The following PDGFRL variants were observed in gnomAD, a reference collection of about 807,000 sequenced individuals.
PDGFRL encodes the protein platelet derived growth factor receptor like.
PDGFRL carries 46 observed loss-of-function variants against 37.2 expected under a neutral mutation model. The ratio of observed to expected loss-of-function variants is 1.24; its 90% CI spans 0.98 to 1.58. The LOEUF (loss-of-function observed/expected upper bound fraction) is 1.58. Among genes scored for constraint, PDGFRL ranks in the 40% most tolerant of loss-of-function variants. PDGFRL has a pLI of 0.00. For synonymous variants in PDGFRL, 251 were observed against 184.3 expected, an observed-to-expected ratio of 1.36 and a Z score of -2.93; for missense variants, 692 against 467.6, an observed-to-expected ratio of 1.48 and a Z score of -4.43.
chr8:17,595,150 C>T (rs191794899), intron 2 of PDGFRL, among the ~76,000 whole-genome samples: 10 of 152,274 alleles, frequency 6.6e-5, no homozygotes, highest in Admixed American at 2.0e-4. Flanking sequence ...GACAGCCCCA[C>T]ATGCCCAGAG....
At chr8:17,590,220 G>A (rs1372612307) in intron 2 of PDGFRL, among the ~76,000 whole-genome samples, 1 of 33,740 alleles carries the variant, frequency 3.0e-5, no homozygotes, top group African/African-American at 6.1e-5. Context: ...GGGTGACAGA[G>A]AGCGAGACTC....
At chr8:17,596,539 T>C (rs1327194419) in intron 2 of PDGFRL, among the ~76,000 whole-genome samples, 1 of 152,260 alleles carries the variant, frequency 6.6e-6, no homozygotes, top group Non-Finnish European at 1.5e-5. Flanking sequence ...CTTGAAGTTT[T>C]AGTATTTTCT....
chr8:17,629,967 G>A (rs180959617), intron 4 of PDGFRL, among the ~76,000 whole-genome samples: 17 of 151,996 alleles, frequency 1.1e-4, no homozygotes, highest in Admixed American at 6.6e-4. Flanking sequence ...ACCCACACCC[G>A]GCACGCCCTC....
chr8:17,589,810 T>C, intron 2 of PDGFRL, 45 bp downstream of exon 2: 1 of 1,157,820 alleles, frequency 8.6e-7, no homozygotes, highest in Non-Finnish European at 1.2e-6. Flanking sequence ...GGATTTGTAA[T>C]AGTTAACAAA....
intron 2 of PDGFRL, among the ~76,000 whole-genome samples, chr8:17,607,195 C>A (rs1430304006): frequency 6.6e-6 from 1 of 152,092 alleles, no homozygotes; most frequent in East Asian, 1.9e-4. Flanking sequence ...GTGTCTCAAT[C>A]CCCTACAAAC....
Position 17,630,512 on chromosome 8 carries a change from G to A in PDGFRL, c.799+1732G>A, listed in dbSNP as rs569347211. On this transcript the variant is annotated intron_variant, in intron 4 of 5. Coordinates refer to ENST00000251630, the MANE Select transcript of PDGFRL (RefSeq NM_001372073.1). ...CAGCCTCATTCTGGTTTCTAAGACTGTTTGTTTAAAATCTTCAGTCCCAAC... is the reference window on the plus strand; with the variant it reads ...CAGCCTCATTCTGGTTTCTAAGACTATTTGTTTAAAATCTTCAGTCCCAAC... Among the ~76,000 whole-genome samples, 3 of 152,170 alleles carry A rather than the reference G, an allele frequency of 2.0e-5. No individual in the cohort carries two copies. In the South Asian group the frequency reaches 6.2e-4, roughly 32 times the overall value.
intron 3 of PDGFRL, among the ~76,000 whole-genome samples, chr8:17,624,049 A>G (rs1490838922): frequency 3.3e-5 from 5 of 152,158 alleles, no homozygotes; most frequent in African/African-American, 1.2e-4. Context: ...TGTGTTATAC[A>G]TCATTTATTT....
intron 2 of PDGFRL, among the ~76,000 whole-genome samples, chr8:17,591,660 A>T (rs2150814379): frequency 6.6e-6 from 1 of 152,334 alleles, no homozygotes. Flanking sequence ...TCACGCCTGT[A>T]ATCCCAGCAC....
intron 2 of PDGFRL, among the ~76,000 whole-genome samples, chr8:17,616,960 C>T (rs553640290): frequency 5.9e-4 from 90 of 152,248 alleles, no homozygotes; most frequent in Admixed American, 1.8e-3. Flanking sequence ...TGCACCGGTC[C>T]CTATATCTGA....
intron 4 of PDGFRL, among the ~76,000 whole-genome samples, chr8:17,633,550 A>G (rs1219090974): frequency 6.6e-6 from 1 of 152,170 alleles, no homozygotes; most frequent in Non-Finnish European, 1.5e-5. Flanking sequence ...TTGTTGAGTG[A>G]ATTCCCCATA....
chr8:17,627,993 T>TTTC (rs1563526861), intron 3 of PDGFRL, among the ~76,000 whole-genome samples: 20 of 126,572 alleles, frequency 1.6e-4, no homozygotes, highest in African/African-American at 6.2e-4. Context: ...TTCTTTCTTT[T>TTTC]TTTTTTTTTT....
intron 2 of PDGFRL, among the ~76,000 whole-genome samples, chr8:17,590,997 C>G (rs1175542961): frequency 1.3e-5 from 2 of 151,810 alleles, no homozygotes; most frequent in African/African-American, 4.8e-5. Flanking sequence ...ATTCTCCTGC[C>G]TCAGCCTCCC....
rs146756777 is a variant in PDGFRL at position 17,614,536 on chromosome 8, G to A, written c.354-6515G>A. Among the ~76,000 whole-genome samples the A allele has an allele frequency of 2.1e-3, 323 of 152,294 alleles. 1 individual carries two copies. The highest frequency in any genetic ancestry group is 6.8e-3 in the Middle Eastern group (2 of 294). Reference sequence around the variant, plus strand: ...CCTTGCATGTGGTAGAGGCCTAACAGTTTTTCACATGAATGTAGAATAAGG... The same window carrying A: ...CCTTGCATGTGGTAGAGGCCTAACAATTTTTCACATGAATGTAGAATAAGG... On this transcript the variant is annotated intron_variant, in intron 2 of 5. Transcript: ENST00000251630.
Position 17,590,117 on chromosome 8 carries a change from G to T in PDGFRL, c.353+352G>T, listed in dbSNP as rs550777163. On this transcript the variant is annotated intron_variant, in intron 2 of 5. Coordinates refer to ENST00000251630, the MANE Select transcript of PDGFRL (RefSeq NM_001372073.1). ...GTGGTGGCAGGTGCCTGTAGTCCCA[G>T]CTACTCAGGAGGCTGAGGCAGGAGA... Among the ~76,000 whole-genome samples the T allele has an allele frequency of 5.6e-4, 85 of 151,274 alleles. 1 individual carries two copies. Among genetic ancestry groups the T allele is most frequent in the African/African-American group, 1.9e-3 (77 of 41,318 alleles).
At chr8:17,610,378 T>C (rs1170578365) in intron 2 of PDGFRL, among the ~76,000 whole-genome samples, 1 of 152,196 alleles carries the variant, frequency 6.6e-6, no homozygotes, top group African/African-American at 2.4e-5. Context: ...CTGAAACTTT[T>C]TGAGCAATAT....
rs150855714 is a variant in PDGFRL, at chr8:17,621,165, C to G, written c.468C>G (p.Asp156Glu). 1.1e-5 allele frequency: 18 copies of G among 1,610,406 alleles called. No homozygotes were observed. The highest frequency in any genetic ancestry group is 5.0e-5 in the Admixed American group (3 of 59,792). ...GCAGCGGCTACATCTGCAGGAAGGA[C>G]GAGGCCAAAACGGGCTCCACCTACA... ...QLCSGYICRK[D>E]EAKTGSTYIF... The change falls in exon 3 of 6, where the codon GAC becomes GAG. Residue 156 changes from aspartate to glutamate, a missense_variant. Coordinates refer to ENST00000251630, the MANE Select transcript of PDGFRL (RefSeq NM_001372073.1).
At chr8:17,610,042 C>A (rs1276738559) in intron 2 of PDGFRL, among the ~76,000 whole-genome samples, 3 of 152,216 alleles carry the variant, frequency 2.0e-5, no homozygotes, top group African/African-American at 7.2e-5. Context: ...GGCCCCATGG[C>A]TGTTGCATTC....
Position 17,642,797 on chromosome 8 carries a change from C to T in PDGFRL, c.1124C>T (p.Ser375Phe). 6.3e-6 allele frequency: 10 copies of T among 1,595,996 alleles called. No homozygotes were observed. Among genetic ancestry groups the T allele is most frequent in the Non-Finnish European group, 8.6e-6 (10 of 1,164,874 alleles). The change falls in exon 6 of 6, where the codon TCC (serine) becomes TTC (phenylalanine). Residue 375 changes from serine to phenylalanine, a missense_variant. Transcript: ENST00000251630. ...ACAGTAGCTACCACTGTTGAGTTTTCCTGACTTGGAAAAGGAAATGTAATG... is the reference window on the plus strand; with the variant it reads ...ACAGTAGCTACCACTGTTGAGTTTTTCTGACTTGGAAAAGGAAATGTAATG... ...QTTVATTVEF[S>F]
intron 2 of PDGFRL, among the ~76,000 whole-genome samples, chr8:17,608,519 G>C (rs908622132): frequency 6.6e-6 from 1 of 152,212 alleles, no homozygotes; most frequent in Non-Finnish European, 1.5e-5. Context: ...GCAGAGGGAG[G>C]CACTGTCCCA....
Sources: gnomAD v4.1 joint callset for allele counts (sites outside exome capture counted in the v4.1 genomes callset) on GRCh38, gnomAD v4.1.1 for gene constraint, MANE v1.5 for transcripts, NCBI Gene and HGNC (gene_info 2026-07-23, HGNC 2026-07-21) for gene names.